Variants in SRGAP3 observed in about 807,000 individuals in gnomAD.
SRGAP3 encodes SLIT-ROBO Rho GTPase-activating protein 3.
Under a neutral mutation model 121.1 loss-of-function variants are expected in SRGAP3, and 39 were observed. The ratio of observed to expected loss-of-function variants is 0.32; its 90% CI spans 0.25 to 0.42. The LOEUF (loss-of-function observed/expected upper bound fraction) is 0.42. Among genes scored for constraint, SRGAP3 ranks in the 10% least tolerant of loss-of-function variants. The pLI is 1.00. For synonymous variants in SRGAP3, 601 were observed against 570.0 expected (o/e 1.05, Z -0.77); for missense variants, 1,213 against 1,470.6 (o/e 0.82, Z 2.86).
chr3:9,279,750 T>C (rs1954644608), intron 3 of SRGAP3, among the ~76,000 whole-genome samples: 1 of 151,968 alleles, frequency 6.6e-6, no homozygotes, highest in Admixed American at 6.6e-5. Context: ...CCTGACCTCA[T>C]GATCCACCCG....
chr3:9,292,040 A>G (rs1349386561), intron 3 of SRGAP3, among the ~76,000 whole-genome samples: 2 of 152,208 alleles, frequency 1.3e-5, no homozygotes, highest in African/African-American at 4.8e-5. Context: ...CAGAAGGCAT[A>G]AGAGATTGGA....
chr3:9,328,868 A>C (rs1955559189), intron 2 of SRGAP3, among the ~76,000 whole-genome samples: 1 of 152,234 alleles, frequency 6.6e-6, no homozygotes, highest in Non-Finnish European at 1.5e-5. Flanking sequence ...TACTCAAGAT[A>C]ATTTTTAGAG....
intron 1 of SRGAP3, among the ~76,000 whole-genome samples, chr3:9,164,579 C>T (rs1201403585): frequency 1.3e-5 from 2 of 152,234 alleles, no homozygotes; most frequent in East Asian, 1.9e-4. Context: ...TGTGAGCCAC[C>T]GCACCCAGCC....
chr3:9,102,946 A>G (rs997061627), intron 3 of SRGAP3, among the ~76,000 whole-genome samples: 3 of 152,202 alleles, frequency 2.0e-5, no homozygotes, highest in African/African-American at 7.2e-5. Context: ...GGGGCTGGGA[A>G]TGGGACCAAC....
intron 12 of SRGAP3, among the ~76,000 whole-genome samples, chr3:9,030,150 A>G (rs1341757556): frequency 6.8e-6 from 1 of 146,172 alleles, no homozygotes. Context: ...AGACTGCCTC[A>G]ATAAATGAAT....
At chr3:9,311,698 C>T (rs1188096537) in intron 3 of SRGAP3, among the ~76,000 whole-genome samples, 1 of 152,192 alleles carries the variant, frequency 6.6e-6, no homozygotes, top group Non-Finnish European at 1.5e-5. Flanking sequence ...TTAGAACTTA[C>T]AGGCTGTATG....
chr3:8,985,334 G>A lies in SRGAP3; in HGVS notation c.*185C>T. ...TCTGTTGACACGCGAGAGGTCCGTG[G>A]GATTCCCATGGCTGGACGTGAGCTG... On this transcript the variant is annotated 3_prime_UTR_variant, in exon 22 of 22. Coordinates refer to ENST00000383836, the MANE Select transcript of SRGAP3 (RefSeq NM_014850.4). The surrounding 1 kb of genome is among the most constrained non-coding windows in gnomAD (Gnocchi z 5.1). 1 of 1,308,454 alleles carries A rather than the reference G, an allele frequency of 7.6e-7. No homozygotes were observed. The highest frequency in any genetic ancestry group is 1.0e-6 in the Non-Finnish European group (1 of 993,916). The allele number at this position is 1,308,454 out of a possible 1,614,324, so 81.1% of individuals were successfully genotyped here.
intron 1 of SRGAP3, among the ~76,000 whole-genome samples, chr3:9,191,986 T>C (rs113896052): frequency 6.2e-4 from 94 of 152,348 alleles, no homozygotes; most frequent in African/African-American, 1.9e-3. Flanking sequence ...CCAGAAGATG[T>C]TGGCACCTCA....
At chr3:9,347,489 T>A (rs923370743) in intron 1 of SRGAP3, among the ~76,000 whole-genome samples, 1 of 152,222 alleles carries the variant, frequency 6.6e-6, no homozygotes, top group Non-Finnish European at 1.5e-5. Context: ...GAGCTACCGA[T>A]GAGCCTAATC....
chr3:9,332,116 GTTA>G lies in SRGAP3; in HGVS notation n.215-1523_215-1521del, dbSNP rs145323365. On this transcript the variant is annotated intron_variant and non_coding_transcript_variant, in intron 1 of 3. Coordinates refer to the SRGAP3 transcript ENST00000490889. Reference sequence around the variant, plus strand: ...ATGTGGTACAAGCCCTTTCATTGAGGTTATTATTATTATTATTATTTTGAGATG... The same window carrying G: ...ATGTGGTACAAGCCCTTTCATTGAGGTTATTATTATTATTATTTTGAGATG... Among the ~76,000 whole-genome samples the G allele has an allele frequency of 3.3e-5, 5 of 150,958 alleles. No homozygotes were observed. The South Asian group carries it at 6.4e-4, about 19-fold the overall frequency.
rs1429622963 is a variant in SRGAP3, at chr3:9,013,107, G to T, written c.2147+201C>A. ...CATTTGGTTAAAGGCCATTTGAGTT[G>T]TATGTCTGTCCCTTGTAACCAAGAG... On this transcript the variant is annotated intron_variant, in intron 17 of 21. Coordinates refer to ENST00000383836, the MANE Select transcript of SRGAP3 (RefSeq NM_014850.4). Among the ~76,000 whole-genome samples, 14 of 152,264 alleles carry T rather than the reference G, an allele frequency of 9.2e-5. 1 individual carries two copies. The East Asian group carries it at 2.7e-3, about 29-fold the overall frequency.
At chr3:9,247,536 C>T (rs572746219) in intron 1 of SRGAP3, among the ~76,000 whole-genome samples, 2 of 152,302 alleles carry the variant, frequency 1.3e-5, no homozygotes, top group African/African-American at 4.8e-5. Flanking sequence ...GCATCTGAAG[C>T]GTGTATGGCA....
chr3:9,302,752 A>C (rs1196219683), intron 3 of SRGAP3, among the ~76,000 whole-genome samples: 2 of 152,012 alleles, frequency 1.3e-5, no homozygotes, highest in African/African-American at 4.8e-5. Flanking sequence ...ATCCCGGGGG[A>C]AGAGCGCCAC....
At chr3:9,147,237 T>G (rs1224167986) in intron 1 of SRGAP3, among the ~76,000 whole-genome samples, 2 of 152,182 alleles carry the variant, frequency 1.3e-5, no homozygotes, top group Non-Finnish European at 2.9e-5. Flanking sequence ...AGTCAGAGCC[T>G]GCCAGGCCCC....
intron 1 of SRGAP3, among the ~76,000 whole-genome samples, chr3:9,206,983 A>C (rs894802125): frequency 1.3e-5 from 2 of 152,156 alleles, no homozygotes; most frequent in African/African-American, 4.8e-5. Flanking sequence ...ATGCTCAGTA[A>C]AGATTTGCTG....
At chr3:9,091,013 T>A (rs1461518129) in intron 3 of SRGAP3, among the ~76,000 whole-genome samples, 1 of 148,090 alleles carries the variant, frequency 6.8e-6, no homozygotes, top group Non-Finnish European at 1.5e-5. Context: ...CCAGAGCTAA[T>A]GTCATTCTCT....
In SRGAP3 at chr3:8,982,841, GAA is replaced by G. The variant is rs76957770; in HGVS notation, c.*2676_*2677del. ...TGAACTCATCAGCCATTTCCCAATG[GAA>G]AAAAAAAAAAAAGGTGCTTAAAGAA... is the stretch of plus-strand genomic sequence containing the variant. On this transcript the variant is annotated 3_prime_UTR_variant, in exon 22 of 22. Transcript: ENST00000383836. 2,866 of 196,300 alleles carry G rather than the reference GAA, an allele frequency of 0.015. 7 individuals carry two copies. The highest frequency in any genetic ancestry group is 0.04 in the East Asian group (528 of 13,146). 12.2% of individuals were successfully genotyped at this position (196,300 alleles called of 1,614,324 possible). A position where few individuals can be genotyped will look rare whatever the true frequency, so the allele number is the denominator to read the frequency against.
chr3:9,180,368 C>T (rs1951340362), intron 1 of SRGAP3, among the ~76,000 whole-genome samples: 1 of 152,218 alleles, frequency 6.6e-6, no homozygotes, highest in African/African-American at 2.4e-5. Flanking sequence ...CGGGAAGCCA[C>T]AGGAAGTGAG....
At chr3:9,251,267 A>G (rs116636813), upstream of SRGAP3, among the ~76,000 whole-genome samples, 349 of 152,298 alleles carry the variant, frequency 2.3e-3, no homozygotes, top group African/African-American at 8.1e-3. Context: ...CATGGGGCTT[A>G]TTATAGCCTT....
Sources: gnomAD v4.1 joint callset for allele counts (sites outside exome capture counted in the v4.1 genomes callset) on GRCh38, gnomAD v4.1.1 for gene constraint, Gnocchi (gnomAD v3.1) non-coding constraint, MANE v1.5 for transcripts, NCBI Gene and HGNC (gene_info 2026-07-23, HGNC 2026-07-21) for gene names.